The following AMPH variants were observed in gnomAD, a reference collection of about 807,000 sequenced individuals.
AMPH encodes amphiphysin (Stiff-Mann syndrome with breast cancer 128kD autoantigen).
AMPH carries 49 observed loss-of-function variants against 99.1 expected under a neutral mutation model. The ratio of observed to expected loss-of-function variants is 0.49; its 90% CI spans 0.39 to 0.63. AMPH has a LOEUF of 0.63. AMPH is among the 20% of genes least tolerant of loss of function. AMPH has a pLI of 0.00. For synonymous variants in AMPH, 314 were observed against 317.3 expected (o/e 0.99, Z 0.11); for missense variants, 759 against 863.4 (o/e 0.88, Z 1.52).
At chr7:38,431,453 C>T (rs6974632) in intron 13 of AMPH, among the ~76,000 whole-genome samples, 42,311 of 151,836 alleles carry the variant, frequency 0.28, 6,080 homozygotes, top group Non-Finnish European at 0.3. Flanking sequence ...GTCAGCAGAT[C>T]GAGACCATCC....
At chr7:38,506,566 A>G (rs958198382) in intron 2 of AMPH, among the ~76,000 whole-genome samples, 1 of 152,178 alleles carries the variant, frequency 6.6e-6, no homozygotes, top group African/African-American at 2.4e-5. Flanking sequence ...CTAAAGCCTA[A>G]AAGCCCTAAA....
At chr7:38,575,218 T>C (rs1792193916) in intron 1 of AMPH, among the ~76,000 whole-genome samples, 1 of 152,150 alleles carries the variant, frequency 6.6e-6, no homozygotes, top group Admixed American at 6.6e-5. Flanking sequence ...GGGGATATAG[T>C]ACCAAAAAAT....
chr7:38,422,811 C>G (rs1158376), intron 15 of AMPH, among the ~76,000 whole-genome samples: 111,717 of 152,036 alleles, frequency 0.73, 41,385 homozygotes, highest in East Asian at 0.96. Flanking sequence ...GTATAGACAG[C>G]GTTTCATCAT....
In AMPH at chr7:38,585,691, G is replaced by A. The variant is rs186641343; in HGVS notation, c.69+45592C>T. On this transcript the variant is annotated intron_variant, in intron 1 of 20. Transcript: ENST00000356264. Reference sequence around the variant, plus strand: ...CTGTCCAATAGCCTCACGGTCCACCGTGCCAGTGGAATTTTCCTGTCTACT... The same window carrying A: ...CTGTCCAATAGCCTCACGGTCCACCATGCCAGTGGAATTTTCCTGTCTACT... 2.4e-4 allele frequency among the ~76,000 whole-genome samples: 37 copies of A among 152,326 alleles called. 1 individual carries two copies. Among genetic ancestry groups the A allele is most frequent in the South Asian group, 2.1e-4 (1 of 4,832 alleles).
intron 1 of AMPH, among the ~76,000 whole-genome samples, chr7:38,546,656 T>A (rs939242182): frequency 6.6e-6 from 1 of 152,206 alleles, no homozygotes; most frequent in Non-Finnish European, 1.5e-5. Context: ...CGGAGGGGTA[T>A]GTTTTACGAT....
chr7:38,535,167 T>G (rs936429141), intron 1 of AMPH, among the ~76,000 whole-genome samples, 156 bp from the exon 2 acceptor site: 3 of 151,836 alleles, frequency 2.0e-5, no homozygotes, highest in African/African-American at 7.3e-5. Context: ...CATCTTGGCT[T>G]GGCAGCTCTG....
chr7:38,610,283 AG>A (rs1584302224), intron 1 of AMPH, among the ~76,000 whole-genome samples: 7 of 32,284 alleles, frequency 2.2e-4, no homozygotes, highest in Admixed American at 3.5e-4. Flanking sequence ...AAAGAAAGAA[AG>A]AAAGAAAGAA....
chr7:38,527,408 T>A (rs1300617921), intron 2 of AMPH, among the ~76,000 whole-genome samples: 1 of 152,220 alleles, frequency 6.6e-6, no homozygotes, highest in Non-Finnish European at 1.5e-5. Context: ...TCCAAGTATT[T>A]AGTTCTTTTT....
intron 1 of AMPH, among the ~76,000 whole-genome samples, chr7:38,589,903 A>C (rs1792793708): frequency 6.6e-6 from 1 of 152,232 alleles, no homozygotes; most frequent in Admixed American, 6.5e-5. Flanking sequence ...AGTGGGTGGA[A>C]ATCACCAACA....
intron 2 of AMPH, among the ~76,000 whole-genome samples, chr7:38,530,267 A>T (rs533718331): frequency 6.6e-6 from 1 of 152,316 alleles, no homozygotes; most frequent in Non-Finnish European, 1.5e-5. Context: ...CCCAGCTTTA[A>T]ACATCTGCTA....
chr7:38,475,316 G>T lies in AMPH; in HGVS notation c.590+15C>A. 1 of 1,574,756 alleles carries T rather than the reference G, an allele frequency of 6.4e-7. No individual in the cohort carries two copies. The highest frequency in any genetic ancestry group is 1.1e-5 in the South Asian group (1 of 89,908). ...CTAAAAGGAACATGTGCAACCCATAGAGAAACATTTTTACCTTGACCATAA... is the reference window on the plus strand; with the variant it reads ...CTAAAAGGAACATGTGCAACCCATATAGAAACATTTTTACCTTGACCATAA... On this transcript the variant is annotated intron_variant, in intron 7 of 20. Coordinates refer to ENST00000356264, the MANE Select transcript of AMPH (RefSeq NM_001635.4).
chr7:38,602,349 A>C (rs1793277011), intron 1 of AMPH, among the ~76,000 whole-genome samples: 1 of 152,222 alleles, frequency 6.6e-6, no homozygotes, highest in Non-Finnish European at 1.5e-5. Context: ...GAAACAACAC[A>C]AACTATTTGT....
intron 5 of AMPH, 85 bp downstream of exon 5, chr7:38,490,965 C>A (rs2129019933): frequency 1.2e-6 from 1 of 847,126 alleles, no homozygotes; most frequent in Non-Finnish European, 1.9e-6. Flanking sequence ...AGTTTGAGGA[C>A]TTGTAATAAT....
Position 38,394,196 on chromosome 7 carries a change from C to T in AMPH, c.1417G>A (p.Ala473Thr). 1 of 1,614,226 alleles carries T rather than the reference C, an allele frequency of 6.2e-7. No homozygotes were observed. The highest frequency in any genetic ancestry group is 8.5e-7 in the Non-Finnish European group (1 of 1,180,046). Residue 473 changes from alanine (A) to threonine (T), a missense_variant, in exon 18 of 21, where the codon GCT becomes ACT. Ala to Thr is a moderately conservative substitution (Grantham distance 58). Around this residue, in one of 2 missense-constraint regions of AMPH, gnomAD observed 554 missense variants for 575.6 expected, o/e 0.96. Transcript: ENST00000356264. ...ACCAAGGTTCCAACAGCTGCATCAGCATCAGCTCCAGGTATGATCTGCAGG... is the reference window on the plus strand; with the variant it reads ...ACCAAGGTTCCAACAGCTGCATCAGTATCAGCTCCAGGTATGATCTGCAGG... ...EEAVIIPGADADAAVGTLVSA... is the reference protein window; with the variant it reads ...EEAVIIPGADTDAAVGTLVSA...
chr7:38,464,763 G>C (rs886070801), intron 9 of AMPH, among the ~76,000 whole-genome samples: 7 of 152,088 alleles, frequency 4.6e-5, no homozygotes, highest in African/African-American at 1.7e-4. Context: ...AAAACCGAAA[G>C]CTGGGTCTTC....
intron 17 of AMPH, among the ~76,000 whole-genome samples, chr7:38,412,781 G>A (rs980344803): frequency 8.5e-5 from 13 of 152,204 alleles, no homozygotes; most frequent in Admixed American, 5.9e-4. Flanking sequence ...GGACGCAGCT[G>A]AGAGGGCACT....
chr7:38,467,015 ATACT>A (rs1360223276), intron 7 of AMPH, among the ~76,000 whole-genome samples: 1 of 152,252 alleles, frequency 6.6e-6, no homozygotes, highest in Non-Finnish European at 1.5e-5. Flanking sequence ...AAAAGATCAT[ATACT>A]TATTCATAAA....
intron 1 of AMPH, among the ~76,000 whole-genome samples, chr7:38,592,969 C>G (rs1319898498): frequency 6.6e-6 from 1 of 152,204 alleles, no homozygotes; most frequent in Non-Finnish European, 1.5e-5. Context: ...CACACCTCCT[C>G]TTGTAACTTC....
intron 12 of AMPH, 76 bp from the exon 13 acceptor site, chr7:38,432,288 C>T (rs1460732022): frequency 7.4e-6 from 10 of 1,351,146 alleles, no homozygotes; most frequent in Non-Finnish European, 1.1e-5. Context: ...GACAAAAGTT[C>T]TTGAAATCAT....
Sources: gnomAD v4.1 joint callset for allele counts (sites outside exome capture counted in the v4.1 genomes callset) on GRCh38, gnomAD v4.1.1 for gene constraint, gnomAD v4.1.1 regional missense constraint, MANE v1.5 for transcripts, NCBI Gene and HGNC (gene_info 2026-07-23, HGNC 2026-07-21) for gene names.